The following C14orf39 variants were observed in gnomAD, a reference collection of about 807,000 sequenced individuals.
C14orf39 encodes the protein protein SIX6OS1.
A neutral mutation model predicts 85.6 loss-of-function variants in C14orf39; 66 were observed. That is an observed-to-expected ratio of 0.77 (90% CI 0.63 to 0.95). The LOEUF (loss-of-function observed/expected upper bound fraction) is 0.95. Among genes scored for constraint, C14orf39 ranks in the 40% least tolerant of loss-of-function variants. The pLI, the probability that C14orf39 is intolerant of heterozygous loss-of-function variation, is 0.00. For missense variants in C14orf39, 735 were observed against 663.9 expected (o/e 1.11, Z -1.18); for synonymous variants, 242 against 214.0 (o/e 1.13, Z -1.14).
Position 60,467,052 on chromosome 14 carries a change from G to T in C14orf39, c.768-8C>A. 10 of 1,280,742 alleles carry T rather than the reference G, an allele frequency of 7.8e-6. No homozygotes were observed. Among genetic ancestry groups the T allele is most frequent in the Non-Finnish European group, 1.0e-5 (10 of 971,418 alleles). The allele number at this position is 1,280,742 out of a possible 1,614,324, so 79.3% of individuals were successfully genotyped here. The stretch of plus-strand genomic sequence containing the variant: ...TCATCTTTTCCAAAAATTCTAAAGA[G>T]AAAGGTGAATTACATTAAATATTAG... On this transcript the variant is annotated splice_polypyrimidine_tract_variant and splice_region_variant and intron_variant, in intron 9 of 17. Transcript: ENST00000321731.
At chr14:60,494,725 A>G (rs1893042631) in intron 2 of C14orf39, 1 of 152,044 alleles carries the variant, frequency 6.6e-6, no homozygotes, top group Non-Finnish European at 1.5e-5. Context: ...CCACTGGACC[A>G]TTTTTTCAGT....
At chr14:60,461,682 A>G (rs1232720024) in intron 11 of C14orf39, 89 bp from the exon 12 acceptor site, 3 of 655,402 alleles carry the variant, frequency 4.6e-6, no homozygotes, top group Non-Finnish European at 7.7e-6. Context: ...CTCTCATTTC[A>G]TTAGTATTTC....
intron 5 of C14orf39, among the ~76,000 whole-genome samples, chr14:60,477,934 C>T (rs988190812): frequency 6.6e-6 from 1 of 152,034 alleles, no homozygotes. Flanking sequence ...AATCCCAGCA[C>T]TTTGGAAGGC....
rs144294616 is a variant in C14orf39 at position 60,474,390 on chromosome 14, A to C, written c.324-2651T>G. Among the ~76,000 whole-genome samples, 766 of 89,652 alleles carry C rather than the reference A, an allele frequency of 8.5e-3. 39 individuals are homozygous for C. The highest frequency in any genetic ancestry group is 0.022 in the African/African-American group (682 of 31,044). The allele number at this position is 89,652 out of a possible 152,430, so 58.8% of individuals were successfully genotyped here. ...CTCTTTTCCTAATTGAATACCATTT[A>C]TTTCTTTCTCCTGCCTGATTGCCCT... is the stretch of plus-strand genomic sequence containing the variant. On this transcript the variant is annotated intron_variant, in intron 5 of 17. Transcript: ENST00000321731.
upstream of C14orf39, among the ~76,000 whole-genome samples, chr14:60,488,883 C>A (rs1413565887): frequency 2.0e-5 from 3 of 152,062 alleles, no homozygotes; most frequent in African/African-American, 7.2e-5. Context: ...AAACTCTCTG[C>A]AATCCTGACT....
At chr14:60,476,312 T>C (rs1892375206) in intron 5 of C14orf39, among the ~76,000 whole-genome samples, 1 of 152,140 alleles carries the variant, frequency 6.6e-6, no homozygotes, top group South Asian at 2.1e-4. Flanking sequence ...ATACTCCATA[T>C]AGAAACTCTG....
chr14:60,506,269 G>A (rs1893202204), intron 1 of C14orf39, among the ~76,000 whole-genome samples: 1 of 152,160 alleles, frequency 6.6e-6, no homozygotes, highest in Non-Finnish European at 1.5e-5. Context: ...AAATGCAAAA[G>A]AAAAATGAAA....
At chr14:60,477,169 C>T (rs1892416470) in intron 5 of C14orf39, among the ~76,000 whole-genome samples, 1 of 152,106 alleles carries the variant, frequency 6.6e-6, no homozygotes, top group Admixed American at 6.5e-5. Flanking sequence ...CTTCACTGAT[C>T]CCACCCTCTG....
chr14:60,483,600 G>A (rs921787617), intron 4 of C14orf39, 91 bp downstream of exon 4: 44 of 1,125,332 alleles, frequency 3.9e-5, no homozygotes, highest in Admixed American at 1.1e-4. Context: ...AGCTAATACA[G>A]AATACTACTT....
intron 1 of C14orf39, chr14:60,509,707 T>G (rs1594631386): frequency 6.2e-7 from 1 of 1,614,074 alleles, no homozygotes; most frequent in Non-Finnish European, 8.5e-7. Flanking sequence ...AGAAGCTGCG[T>G]GGAAGACCCC....
intron 17 of C14orf39, among the ~76,000 whole-genome samples, chr14:60,439,851 A>T (rs138255276): frequency 0.015 from 2,269 of 152,280 alleles, 57 homozygotes; most frequent in African/African-American, 0.052. Context: ...AGGCGGGTGG[A>T]TCACCTGAGG....
At chr14:60,445,626 C>T (rs1890730525) in intron 16 of C14orf39, among the ~76,000 whole-genome samples, 1 of 152,126 alleles carries the variant, frequency 6.6e-6, no homozygotes, top group Admixed American at 6.6e-5. Flanking sequence ...GACGTTAACA[C>T]AACACTGTCA....
At chr14:60,487,434 A>G (rs1323724683), upstream of C14orf39, among the ~76,000 whole-genome samples, 2 of 151,980 alleles carry the variant, frequency 1.3e-5, no homozygotes, top group East Asian at 3.9e-4. Context: ...AGGCTCATCC[A>G]TCATCCATGT....
intron 2 of C14orf39, chr14:60,496,282 A>T (rs1007079735): frequency 3.2e-5 from 12 of 375,124 alleles, no homozygotes; most frequent in Non-Finnish European, 6.4e-5. Flanking sequence ...GACCCACTGG[A>T]TACTGTTGGT....
At chr14:60,490,664 T>C (rs1892976842), upstream of C14orf39, among the ~76,000 whole-genome samples, 1 of 152,068 alleles carries the variant, frequency 6.6e-6, no homozygotes, top group African/African-American at 2.4e-5. Flanking sequence ...AAAATGTTAC[T>C]GTGTAACACA....
chr14:60,514,776 T>G (rs892450262), intron 1 of C14orf39, among the ~76,000 whole-genome samples: 6 of 152,194 alleles, frequency 3.9e-5, no homozygotes, highest in African/African-American at 1.4e-4. Context: ...AGAATGTGAA[T>G]GGGGCGGGAG....
At chr14:60,464,041 A>G (rs1891662728) in intron 11 of C14orf39, among the ~76,000 whole-genome samples, 1 of 152,138 alleles carries the variant, frequency 6.6e-6, no homozygotes, top group African/African-American at 2.4e-5. Flanking sequence ...AGAGGTACCC[A>G]AATGACCAAG....
At chr14:60,474,693 T>A (rs552905916) in intron 5 of C14orf39, among the ~76,000 whole-genome samples, 3 of 152,048 alleles carry the variant, frequency 2.0e-5, no homozygotes, top group African/African-American at 7.2e-5. Context: ...GTTTAGATGC[T>A]GGATTACATT....
chr14:60,503,248 G>A (rs1893167340), intron 1 of C14orf39, among the ~76,000 whole-genome samples: 1 of 152,116 alleles, frequency 6.6e-6, no homozygotes, highest in South Asian at 2.1e-4. Context: ...AAATCCCAGA[G>A]ACACATTTTT....
Sources: gnomAD v4.1 joint callset for allele counts (sites outside exome capture counted in the v4.1 genomes callset) on GRCh38, gnomAD v4.1.1 for gene constraint, MANE v1.5 for transcripts, NCBI Gene and HGNC (gene_info 2026-07-23, HGNC 2026-07-21) for gene names.